Variants in PFKFB1 observed in about 807,000 individuals in gnomAD.
PFKFB1 encodes 6-phosphofructo-2-kinase/fructose-2,6-bisphosphatase 1.
PFKFB1 carries 34 observed loss-of-function variants against 46.4 expected under a neutral mutation model. The ratio of observed to expected loss-of-function variants is 0.73; its 90% confidence interval spans 0.56 to 0.98. PFKFB1 has a LOEUF of 0.98. Ranked by LOEUF, PFKFB1 falls within the 50% of genes least tolerant of loss-of-function variation. The probability of loss-of-function intolerance (pLI) is 0.00; values close to 1 mark genes in which losing one functional copy is unlikely to be tolerated. For synonymous variants in PFKFB1, 119 were observed against 133.8 expected (o/e 0.89, Z 0.76); for missense variants, 393 against 376.3 (o/e 1.04, Z -0.37).
At chrX:54,940,387 G>A (rs1362732683) in intron 10 of PFKFB1, among the ~76,000 whole-genome samples, 2 of 111,664 alleles carry the variant, frequency 1.8e-5, no homozygotes, top group Admixed American at 1.9e-4. Flanking sequence ...GGAAGTTCTG[G>A]CCAGGGCAGT....
At chrX:54,941,543 CA>C (rs1933633960) in intron 10 of PFKFB1, among the ~76,000 whole-genome samples, 1 of 111,468 alleles carries the variant, frequency 9.0e-6, no homozygotes, top group Admixed American at 9.5e-5. Flanking sequence ...AACAAATTTA[CA>C]AGAAAAAAAC....
rs369231143 is a variant in PFKFB1 at position 54,945,719 on chromosome X, TGC to T, written c.994-178_994-177del. On this transcript the variant is annotated intron_variant, in intron 9 of 13. Transcript: ENST00000375006. ...GTGTATGCGTGTGTGTGTGTGTGTGTGCGTGTGTGTGTGTGTGTGTGTGTGAG... is the reference window on the plus strand; with the variant it reads ...GTGTATGCGTGTGTGTGTGTGTGTGTGTGTGTGTGTGTGTGTGTGTGTGAG... Among the ~76,000 whole-genome samples the T allele has an allele frequency of 0.02, 2,004 of 101,321 alleles. 177 individuals carry two copies. The East Asian group carries it at 0.31, about 16-fold the overall frequency. The allele number at this position is 101,321 out of a possible 115,157, so 88.0% of individuals were successfully genotyped here. A position where few individuals can be genotyped will look rare whatever the true frequency, so the allele number is the denominator to read the frequency against.
chrX:54,991,900 T>C (rs1205730859), intron 1 of PFKFB1, among the ~76,000 whole-genome samples: 1 of 111,709 alleles, frequency 9.0e-6, no homozygotes, highest in Non-Finnish European at 1.9e-5. Flanking sequence ...GTACTTTACA[T>C]GTTAATGTAT....
Position 54,958,891 on chromosome X carries a change from C to G in PFKFB1, c.419G>C (p.Arg140Pro). 1 of 1,199,390 alleles carries G rather than the reference C, an allele frequency of 8.3e-7. No homozygotes were observed. Among genetic ancestry groups the G allele is most frequent in the Non-Finnish European group, 1.1e-6 (1 of 885,292 alleles). ...TTTTGCAAACTGCAGGATCAGTGAC[C>G]GTCGTTCTCTGGTAGTGTTGGTGGC... ...FDATNTTRER[R>P]SLILQFAKEH... The change falls in exon 5 of 14, where the codon CGG becomes CCG. Residue 140 changes from arginine to proline, a missense_variant. Physicochemically the swap from Arg to Pro is moderately radical, Grantham distance 103. Transcript: ENST00000375006.
chrX:54,974,062 T>G (rs1240074890), intron 1 of PFKFB1, among the ~76,000 whole-genome samples: 2 of 111,451 alleles, frequency 1.8e-5, no homozygotes, highest in African/African-American at 6.5e-5. Flanking sequence ...CCTATATACG[T>G]AACACAATAC....
At chrX:54,941,389 A>G (rs1331908706) in intron 10 of PFKFB1, among the ~76,000 whole-genome samples, 1 of 112,222 alleles carries the variant, frequency 8.9e-6, no homozygotes, top group African/African-American at 3.2e-5. Context: ...AAACAGACAA[A>G]TGGGATCTAA....
chrX:54,982,165 A>G (rs752810677), intron 1 of PFKFB1, among the ~76,000 whole-genome samples: 1 of 111,989 alleles, frequency 8.9e-6, no homozygotes, highest in East Asian at 2.8e-4. Flanking sequence ...CCAGACCCAA[A>G]TGTGTTTACT....
intron 1 of PFKFB1, among the ~76,000 whole-genome samples, chrX:54,974,763 A>T (rs749342615): frequency 9.0e-6 from 1 of 111,265 alleles, no homozygotes; most frequent in Non-Finnish European, 1.9e-5. Flanking sequence ...AGCAAGAAAA[A>T]ACAAATAATC....
At chrX:54,994,726 C>T, upstream of PFKFB1, 1 of 754,789 alleles carries the variant, frequency 1.3e-6, no homozygotes, top group South Asian at 6.7e-5. Flanking sequence ...TGCTGCCTTC[C>T]TTGCCACAGG....
At chrX:54,938,804 A>G (rs1295179854) in intron 10 of PFKFB1, among the ~76,000 whole-genome samples, 1 of 111,441 alleles carries the variant, frequency 9.0e-6, no homozygotes, top group East Asian at 2.8e-4. Flanking sequence ...AGACTTTAAC[A>G]CCCACTGTCA....
At chrX:54,964,338 T>G (rs1934409055) in intron 1 of PFKFB1, among the ~76,000 whole-genome samples, 1 of 110,455 alleles carries the variant, frequency 9.1e-6, no homozygotes, top group Non-Finnish European at 1.9e-5. Flanking sequence ...CTAAAAAGCA[T>G]CAGTAAAAAT....
rs1349313159 is a variant in PFKFB1, at chrX:54,951,980, G to C, written c.771C>G (p.Cys257Trp). The C allele has an allele frequency of 7.4e-6, 9 of 1,210,917 alleles. No homozygotes were observed. Among genetic ancestry groups the C allele is most frequent in the Non-Finnish European group, 1.0e-5 (9 of 894,886 alleles). The change falls in exon 8 of 14, where the codon TGC (cysteine) becomes TGG (tryptophan). Residue 257 changes from cysteine to tryptophan, a missense_variant. Cys to Trp is a radical substitution (Grantham distance 215). Coordinates refer to ENST00000375006, the MANE Select transcript of PFKFB1 (RefSeq NM_002625.4). ...IHVTPRSIYLCRHGESELNIR... is the reference protein window; with the variant it reads ...IHVTPRSIYLWRHGESELNIR... Reference sequence around the variant, plus strand: ...TGTTGAGTTCACTCTCGCCATGTCGGCAAAGGTAGATGGAGCGAGGTGTGA... The same window carrying C: ...TGTTGAGTTCACTCTCGCCATGTCGCCAAAGGTAGATGGAGCGAGGTGTGA...
At chrX:54,962,839 T>C (rs1352882001) in intron 2 of PFKFB1, among the ~76,000 whole-genome samples, 2 of 112,332 alleles carry the variant, frequency 1.8e-5, no homozygotes, top group Non-Finnish European at 3.8e-5. Flanking sequence ...ACTGGATATA[T>C]GCCTTTAGAC....
chrX:54,960,720 G>T (rs931306411), intron 3 of PFKFB1, 104 bp downstream of exon 3: 8 of 426,870 alleles, frequency 1.9e-5, no homozygotes, highest in Non-Finnish European at 3.4e-5. Flanking sequence ...GAGTCTAGAG[G>T]GCCTCCTTTC....
In PFKFB1 at chrX:54,956,264, A is replaced by G. The variant is rs1934134873; in HGVS notation, c.527T>C (p.Leu176Pro). 1.7e-6 allele frequency: 2 copies of G among 1,211,158 alleles called. No individual in the cohort carries two copies. Among genetic ancestry groups the G allele is most frequent in the Non-Finnish European group, 2.2e-6 (2 of 895,005 alleles). The change falls in exon 7 of 14, where the codon CTT becomes CCT. Residue 176 changes from leucine to proline, a missense_variant. Transcript: ENST00000375006. Reference protein sequence around the residue: ...IIAENIRQVKLGSPDYIDCDR... With the variant: ...IIAENIRQVKPGSPDYIDCDR... ...ACAGTCTATATAATCAGGGCTGCCAAGTTTCACTTGCTGGGAGCAGGGAGA... is the reference window on the plus strand; with the variant it reads ...ACAGTCTATATAATCAGGGCTGCCAGGTTTCACTTGCTGGGAGCAGGGAGA...
upstream of PFKFB1, among the ~76,000 whole-genome samples, chrX:54,997,009 G>GGGA (rs1935367029): frequency 9.0e-6 from 1 of 111,531 alleles, no homozygotes; most frequent in Non-Finnish European, 1.9e-5. Context: ...TGAACTCCTT[G>GGGA]AGTATGGAGA....
At chrX:54,954,870 G>T (rs1934088189) in intron 7 of PFKFB1, among the ~76,000 whole-genome samples, 1 of 112,243 alleles carries the variant, frequency 8.9e-6, no homozygotes, top group Non-Finnish European at 1.9e-5. Flanking sequence ...TTCTAGATCT[G>T]TCTTCTTCTG....
At chrX:54,977,573 A>C (rs1472890243) in intron 1 of PFKFB1, among the ~76,000 whole-genome samples, 3 of 111,433 alleles carry the variant, frequency 2.7e-5, no homozygotes, top group Non-Finnish European at 5.7e-5. Flanking sequence ...ACTCATGTTT[A>C]TTTTTAACGT....
At chrX:54,975,491 A>G (rs185361395) in intron 1 of PFKFB1, among the ~76,000 whole-genome samples, 92 of 110,863 alleles carry the variant, frequency 8.3e-4, no homozygotes, top group African/African-American at 2.9e-3. Flanking sequence ...GGAAGGATGG[A>G]AGGAGGGTGA....
Sources: allele counts gnomAD v4.1 joint callset (sites outside exome capture counted in the v4.1 genomes callset), GRCh38; gene constraint gnomAD v4.1.1; transcripts MANE v1.5; gene names NCBI Gene and HGNC (gene_info 2026-07-23, HGNC 2026-07-21).